GABARAPL2: variants seen among roughly 807,000 people sequenced by gnomAD.
The protein encoded by GABARAPL2 is GABA type A receptor associated protein like 2.
A neutral mutation model predicts 16.9 loss-of-function variants in GABARAPL2; 11 were observed. That is an observed-to-expected ratio of 0.65 (90% CI 0.41 to 1.08). The LOEUF is 1.08. Ranked by LOEUF, GABARAPL2 falls within the 50% of genes least tolerant of loss-of-function variation. GABARAPL2 has a pLI of 0.00. For missense variants in GABARAPL2, 134 were observed against 142.5 expected (o/e 0.94, Z 0.30); for synonymous variants, 57 against 50.7 (o/e 1.12, Z -0.53).
Position 75,568,033 on chromosome 16 carries a change from C to T in GABARAPL2, c.91-4C>T. ...ACAGTCCTGACCTCTCTTTACTTTC[C>T]CAGGTGATTGTGGAAAAGGTCTCAG... On this transcript the variant is annotated splice_region_variant and splice_polypyrimidine_tract_variant and intron_variant, in intron 2 of 3. Transcript: ENST00000037243. 6.3e-7 allele frequency: 1 copy of T among 1,597,430 alleles called. No homozygotes were observed. The highest frequency in any genetic ancestry group is 8.6e-7 in the Non-Finnish European group (1 of 1,167,254).
At position 75,566,467 on chromosome 16, in the gene GABARAPL2, G is replaced by A. The variant is rs8192515; in HGVS notation, c.-20G>A. On this transcript the variant is annotated 5_prime_UTR_variant, in exon 1 of 4. Coordinates refer to ENST00000037243, the MANE Select transcript of GABARAPL2 (RefSeq NM_007285.7). ...CTCCGCGGCTCCGCGAGCCGGTTCC[G>A]TCCCCTTCCCGCCGCCGCCATGAAG... is the stretch of plus-strand genomic sequence containing the variant. 0.023 allele frequency: 35,949 copies of A among 1,595,784 alleles called. 746 individuals are homozygous for A. The highest frequency in any genetic ancestry group is 0.083 in the African/African-American group (6,050 of 73,238).
chr16:75,569,862 C>A (rs2080904863), intron 3 of GABARAPL2, among the ~76,000 whole-genome samples: 1 of 152,142 alleles, frequency 6.6e-6, no homozygotes, highest in African/African-American at 2.4e-5. Flanking sequence ...AAGCCATTTT[C>A]TCTCCAAGTC....
intron 1 of GABARAPL2, 133 bp downstream of exon 1, chr16:75,566,653 G>A (rs2080884856): frequency 1.8e-6 from 2 of 1,095,422 alleles, no homozygotes; most frequent in Non-Finnish European, 2.7e-6. Flanking sequence ...CCATGCCCTG[G>A]TGCCTCGGGC....
rs1444714367 is a variant in GABARAPL2, at chr16:75,566,753, G to C, written c.35-99G>C. On this transcript the variant is annotated intron_variant, in intron 1 of 3. Transcript: ENST00000037243. ...GCGGCCCCGGGGACGCCGGAACCAG[G>C]GCCTGGGTTGTACGCAGGGCGCAGG... 2.3e-5 allele frequency: 28 copies of C among 1,223,768 alleles called. 1 individual carries two copies. The East Asian group carries it at 6.4e-4, about 28-fold the overall frequency. 75.8% of individuals were successfully genotyped at this position (1,223,768 alleles called of 1,614,324 possible).
rs1237581676 is a variant in GABARAPL2 at position 75,566,942 on chromosome 16, A to G, written c.90+35A>G. The G allele has an allele frequency of 1.9e-6, 3 of 1,567,254 alleles. No individual in the cohort carries two copies. The South Asian group carries it at 3.3e-5, about 17-fold the overall frequency. ...CTCTCCGCCCCCTCACCTCGCTGTC[A>G]CCTCTGTCGTCTGGGACCCGTGATA... On this transcript the variant is annotated intron_variant, in intron 2 of 3. Coordinates refer to ENST00000037243, the MANE Select transcript of GABARAPL2 (RefSeq NM_007285.7).
Position 75,566,572 on chromosome 16 carries a change from C to T in GABARAPL2, c.34+52C>T, listed in dbSNP as rs753521357. On this transcript the variant is annotated intron_variant, in intron 1 of 3. Coordinates refer to ENST00000037243, the MANE Select transcript of GABARAPL2 (RefSeq NM_007285.7). Reference sequence around the variant, plus strand: ...GCTGGGGGCTGGGGCGGCGGGTGGGCCCCCTCCCCCACTCGGGCGGCCCTG... The same window carrying T: ...GCTGGGGGCTGGGGCGGCGGGTGGGTCCCCTCCCCCACTCGGGCGGCCCTG... 5 of 1,592,222 alleles carry T rather than the reference C, an allele frequency of 3.1e-6. No homozygotes were observed. In the Admixed American group the frequency reaches 6.8e-5, roughly 22 times the overall value.
intron 3 of GABARAPL2, among the ~76,000 whole-genome samples, chr16:75,573,429 A>T (rs1160247543): frequency 6.6e-6 from 1 of 152,232 alleles, no homozygotes; most frequent in Non-Finnish European, 1.5e-5. Context: ...CATGTTCAGC[A>T]TTGAGCATTC....
At chr16:75,574,905 C>T (rs1421124420) in intron 3 of GABARAPL2, among the ~76,000 whole-genome samples, 1 of 151,940 alleles carries the variant, frequency 6.6e-6, no homozygotes, top group African/African-American at 2.4e-5. Flanking sequence ...TGGTGGCATG[C>T]ACCTGTAATC....
intron 3 of GABARAPL2, among the ~76,000 whole-genome samples, chr16:75,571,373 G>A (rs2080913158): frequency 6.6e-6 from 1 of 152,202 alleles, no homozygotes. Context: ...GAGATCTTCA[G>A]TAAAAGGAAG....
chr16:75,570,797 A>G (rs972562689), intron 3 of GABARAPL2, among the ~76,000 whole-genome samples: 1 of 152,216 alleles, frequency 6.6e-6, no homozygotes, highest in African/African-American at 2.4e-5. Context: ...GGGAATCACA[A>G]TGGCCTTTTC....
At chr16:75,568,904 C>G (rs1264423796) in intron 3 of GABARAPL2, among the ~76,000 whole-genome samples, 1 of 152,176 alleles carries the variant, frequency 6.6e-6, no homozygotes, top group East Asian at 1.9e-4. Flanking sequence ...TGGATGGGCT[C>G]CGTCTAACCT....
chr16:75,566,668 G>A (rs2080884943), intron 1 of GABARAPL2, 148 bp downstream of exon 1: 6 of 999,812 alleles, frequency 6.0e-6, no homozygotes, highest in Non-Finnish European at 6.0e-6. Context: ...TCGGGCAGCG[G>A]CCCCCTGACC....
At chr16:75,568,920 T>C (rs1393145052) in intron 3 of GABARAPL2, among the ~76,000 whole-genome samples, 2 of 152,176 alleles carry the variant, frequency 1.3e-5, no homozygotes, top group Non-Finnish European at 2.9e-5. Flanking sequence ...AACCTCCTGG[T>C]CAGTCCTTTC....
intron 1 of GABARAPL2, 89 bp from the exon 2 acceptor site, chr16:75,566,763 G>T: frequency 7.8e-7 from 1 of 1,282,426 alleles, no homozygotes; most frequent in Non-Finnish European, 1.1e-6. Flanking sequence ...GGCCTGGGTT[G>T]TACGCAGGGC....
chr16:75,569,576 G>A (rs536614423), intron 3 of GABARAPL2, among the ~76,000 whole-genome samples: 2 of 152,216 alleles, frequency 1.3e-5, no homozygotes, highest in Non-Finnish European at 2.9e-5. Context: ...TGGTGACTCT[G>A]TGTTTTGTAC....
intron 3 of GABARAPL2, chr16:75,576,179 C>T (rs80299320): frequency 6.6e-6 from 1 of 152,180 alleles, no homozygotes; most frequent in Non-Finnish European, 1.5e-5. Context: ...CAGACCTCCC[C>T]CACATTGTTA....
At chr16:75,569,085 G>C (rs1221693347) in intron 3 of GABARAPL2, among the ~76,000 whole-genome samples, 1 of 152,198 alleles carries the variant, frequency 6.6e-6, no homozygotes, top group African/African-American at 2.4e-5. Context: ...AAGGCTCTCA[G>C]AAGCCCTGGG....
chr16:75,567,093 G>T (rs2080888702), intron 2 of GABARAPL2, among the ~76,000 whole-genome samples, 186 bp downstream of exon 2: 1 of 152,222 alleles, frequency 6.6e-6, no homozygotes, highest in East Asian at 1.9e-4. Flanking sequence ...GCTGTTCAGG[G>T]TGCCTCAGTG....
intron 3 of GABARAPL2, chr16:75,576,293 A>AT (rs2080949277): frequency 6.6e-6 from 1 of 152,178 alleles, no homozygotes; most frequent in African/African-American, 2.4e-5. Context: ...TAAATGTGGT[A>AT]TTTGTCCATG....
Sources: gnomAD v4.1 joint callset for allele counts (sites outside exome capture counted in the v4.1 genomes callset) on GRCh38, gnomAD v4.1.1 for gene constraint, MANE v1.5 for transcripts, NCBI Gene and HGNC (gene_info 2026-07-23, HGNC 2026-07-21) for gene names.